Variants in RPS6KL1 observed in about 807,000 individuals in gnomAD.
RPS6KL1 encodes ribosomal protein S6 kinase-like 1.
In RPS6KL1, 41 loss-of-function variants were observed where a neutral mutation model predicts 57.0. The ratio of observed to expected loss-of-function variants is 0.72; its 90% CI spans 0.56 to 0.93. The LOEUF (loss-of-function observed/expected upper bound fraction) is 0.93. Ranked by LOEUF, RPS6KL1 falls within the 40% of genes least tolerant of loss-of-function variation. The pLI, the probability that RPS6KL1 is intolerant of heterozygous loss-of-function variation, is 0.00. For synonymous variants in RPS6KL1, 287 were observed against 309.7 expected (o/e 0.93, Z 0.77); for missense variants, 697 against 727.7 (o/e 0.96, Z 0.49).
rs758263816 is a variant in RPS6KL1, at chr14:74,911,377, G to C, written c.535C>G (p.Leu179Val). The stretch of plus-strand genomic sequence containing the variant: ...CTGCTCACCATGTGGCACCTGGGTA[G>C]GCTCTGGGAGCAGCAGGGCAGGCAG... ...ATGGTFVVKS[L>V]PRCHMVSRER... is the part of the protein sequence containing the mutation. Residue 179 changes from leucine (L) to valine (V), a missense_variant, in exon 7 of 12, where the codon CTA (leucine) becomes GTA (valine). Coordinates refer to ENST00000557413, the MANE Select transcript of RPS6KL1 (RefSeq NM_031464.5). The C allele has an allele frequency of 6.2e-7, 1 of 1,604,454 alleles. No homozygotes were observed. The highest frequency in any genetic ancestry group is 2.2e-5 in the East Asian group (1 of 44,772).
chr14:74,911,916 C>T, intron 5 of RPS6KL1, 75 bp from the exon 6 acceptor site: 1 of 1,345,550 alleles, frequency 7.4e-7, no homozygotes, highest in South Asian at 1.3e-5. Flanking sequence ...CTGACCCCCT[C>T]CCAGGTTCCT....
chr14:74,905,441 C>T lies in RPS6KL1; in HGVS notation c.*1573G>A, dbSNP rs1884622113. ...TGAGCCTCTTCCAAGGCTTCTTCATCCTCTTCCCCACAGAACCTGGTCCTC... is the reference window on the plus strand; with the variant it reads ...TGAGCCTCTTCCAAGGCTTCTTCATTCTCTTCCCCACAGAACCTGGTCCTC... On this transcript the variant is annotated 3_prime_UTR_variant, in exon 12 of 12. Coordinates refer to ENST00000557413, the MANE Select transcript of RPS6KL1 (RefSeq NM_031464.5). 1 of 152,200 alleles carries T rather than the reference C, an allele frequency of 6.6e-6. No individual in the cohort carries two copies. The highest frequency in any genetic ancestry group is 1.5e-5 in the Non-Finnish European group (1 of 68,088). 9.4% of individuals were successfully genotyped at this position (152,200 alleles called of 1,614,324 possible).
intron 10 of RPS6KL1, 102 bp downstream of exon 10, chr14:74,908,748 C>T: frequency 2.0e-6 from 2 of 1,023,584 alleles, no homozygotes; most frequent in Non-Finnish European, 3.1e-6. Flanking sequence ...GCTGGTAGGA[C>T]AGCCAGGCAG....
Position 74,922,167 on chromosome 14 carries a change from G to C in RPS6KL1, c.-210C>G. The C allele has an allele frequency of 4.1e-6, 4 of 985,984 alleles. No homozygotes were observed. The highest frequency in any genetic ancestry group is 4.8e-6 in the Non-Finnish European group (4 of 829,780). 61.1% of individuals were successfully genotyped at this position (985,984 alleles called of 1,614,324 possible). ...GTGTTGAGCTCTGGAGAGAGCTGAG[G>C]ATATCTGTGATCCACAGCCACCTTC... On this transcript the variant is annotated 5_prime_UTR_variant, in exon 2 of 12. In the 5' UTR this introduces an upstream ATG that the reference lacks. Coordinates refer to ENST00000557413, the MANE Select transcript of RPS6KL1 (RefSeq NM_031464.5).
rs1480620758 is a variant in RPS6KL1, at chr14:74,911,621, G to GTA, written c.531+172_531+173insTA. On this transcript the variant is annotated intron_variant, in intron 6 of 11. Transcript: ENST00000557413. The stretch of plus-strand genomic sequence containing the variant: ...TGTATGTGTATGTGTATGTGTATGT[G>GTA]TGTGTGTGCATGCATGTGTGTCCAT... The GTA allele has an allele frequency of 2.6e-4, 181 of 684,684 alleles. No homozygotes were observed. In the African/African-American group the frequency reaches 2.9e-3, roughly 11 times the overall value. The allele number at this position is 684,684 out of a possible 1,614,324, so 42.4% of individuals were successfully genotyped here. A position where few individuals can be genotyped will look rare whatever the true frequency, so the allele number is the denominator to read the frequency against.
rs1884811736 is a variant in RPS6KL1 at position 74,906,354 on chromosome 14, T to G, written c.*660A>C. The stretch of plus-strand genomic sequence containing the variant: ...TTACTCTTATTTTCTTCCCCTCCCT[T>G]TTGCTCTCCCAAGTCTGAAATCACA... On this transcript the variant is annotated 3_prime_UTR_variant, in exon 12 of 12. Transcript: ENST00000557413. 1 of 338,286 alleles carries G rather than the reference T, an allele frequency of 3.0e-6. No homozygotes were observed. The highest frequency in any genetic ancestry group is 5.8e-6 in the Non-Finnish European group (1 of 172,830). 21.0% of individuals were successfully genotyped at this position (338,286 alleles called of 1,614,324 possible).
rs781062412 is a variant in RPS6KL1, at chr14:74,906,662, C to G, written c.*352G>C. The G allele has an allele frequency of 1.9e-6, 1 of 534,088 alleles. No individual in the cohort carries two copies. Among genetic ancestry groups the G allele is most frequent in the Admixed American group, 2.1e-5 (1 of 48,094 alleles). The allele number at this position is 534,088 out of a possible 1,614,324, so 33.1% of individuals were successfully genotyped here. A position where few individuals can be genotyped will look rare whatever the true frequency, so the allele number is the denominator to read the frequency against. On this transcript the variant is annotated 3_prime_UTR_variant, in exon 12 of 12. Transcript: ENST00000557413. ...CATGGCAGTGAGTGAGTCACAGAAC[C>G]TCACAGTAGGGTGCAGCAGGTGGTC...
intron 6 of RPS6KL1, 166 bp downstream of exon 6, chr14:74,911,628 T>A (rs759057): frequency 1.4e-6 from 1 of 702,516 alleles, no homozygotes; most frequent in East Asian, 2.7e-5. Flanking sequence ...TGTGTGTGTG[T>A]GCATGCATGT....
rs954783987 is a variant in RPS6KL1, at chr14:74,905,704, CAG to C, written c.*1308_*1309del. 4.6e-5 allele frequency: 7 copies of C among 152,360 alleles called. No homozygotes were observed. Among genetic ancestry groups the C allele is most frequent in the East Asian group, 1.9e-4 (1 of 5,200 alleles). 9.4% of individuals were successfully genotyped at this position (152,360 alleles called of 1,614,324 possible). On this transcript the variant is annotated 3_prime_UTR_variant, in exon 12 of 12. Coordinates refer to ENST00000557413, the MANE Select transcript of RPS6KL1 (RefSeq NM_031464.5). ...CCAGGGAGAGGCAGGACGTGGACCA[CAG>C]AGAGTCATGTACAGGCTGCGCTTTC...
At chr14:74,907,157 C>A in intron 11 of RPS6KL1, 33 bp from the exon 12 acceptor site, 1 of 1,566,426 alleles carries the variant, frequency 6.4e-7, no homozygotes, top group Non-Finnish European at 8.7e-7. Flanking sequence ...CTGGGCCACT[C>A]CAGCTGTGGA....
chr14:74,906,991 C>T lies in RPS6KL1; in HGVS notation c.*23G>A. The T allele has an allele frequency of 6.4e-7, 1 of 1,556,204 alleles. No individual in the cohort carries two copies. Among genetic ancestry groups the T allele is most frequent in the Non-Finnish European group, 8.8e-7 (1 of 1,132,644 alleles). ...GAGGCGATCCAGACCAGGCCAGCTG[C>T]TTCCGTCACCCGCTCTGCCCTCTTA... On this transcript the variant is annotated 3_prime_UTR_variant, in exon 12 of 12. Coordinates refer to ENST00000557413, the MANE Select transcript of RPS6KL1 (RefSeq NM_031464.5).
At chr14:74,909,227 G>C in intron 8 of RPS6KL1, 37 bp from the exon 9 acceptor site, 10 of 1,583,298 alleles carry the variant, frequency 6.3e-6, no homozygotes, top group Non-Finnish European at 7.8e-6. Context: ...GGGACAGATT[G>C]AGGACAGCTG....
At chr14:74,922,982 C>T (rs1566843487) in intron 1 of RPS6KL1, among the ~76,000 whole-genome samples, 198 bp downstream of exon 1, 1 of 152,138 alleles carries the variant, frequency 6.6e-6, no homozygotes, top group Non-Finnish European at 1.5e-5. Context: ...GGGGGGTGCC[C>T]GGGTAGGACT....
chr14:74,911,551 C>A, intron 6 of RPS6KL1, 171 bp from the exon 7 acceptor site: 1 of 765,712 alleles, frequency 1.3e-6, no homozygotes, highest in Non-Finnish European at 2.1e-6. Context: ...GGGTCCTCCA[C>A]CCTCTAGCCA....
Position 74,906,489 on chromosome 14 carries a change from TC to T in RPS6KL1, c.*524del. The T allele has an allele frequency of 2.1e-6, 1 of 468,292 alleles. No individual in the cohort carries two copies. Among genetic ancestry groups the T allele is most frequent in the Non-Finnish European group, 4.5e-6 (1 of 223,486 alleles). The allele number at this position is 468,292 out of a possible 1,614,324, so 29.0% of individuals were successfully genotyped here. A position where few individuals can be genotyped will look rare whatever the true frequency, so the allele number is the denominator to read the frequency against. ...CAGATGGCATCCCTGCTTCTGGGCC[TC>T]CCCAGCTGCACGAACAGCTTCTGGT... On this transcript the variant is annotated 3_prime_UTR_variant, in exon 12 of 12. Transcript: ENST00000557413.
Position 74,909,841 on chromosome 14 carries a change from G to A in RPS6KL1, c.972C>T (p.Gly324=). 1 of 1,611,430 alleles carries A rather than the reference G, an allele frequency of 6.2e-7. No homozygotes were observed. Among genetic ancestry groups the A allele is most frequent in the Non-Finnish European group, 8.5e-7 (1 of 1,178,652 alleles). The stretch of plus-strand genomic sequence containing the variant: ...CCCTCCTAGCTTGAAGGTGCAGGTG[G>A]CCACCTGGGGCCTTTGGAAGGTCCG... ...GSSDLPKAPG[G]HLHLQARRAG... Residue 324 remains glycine, a synonymous_variant, in exon 8 of 12, where the codon GGC becomes GGT. Coordinates refer to ENST00000557413, the MANE Select transcript of RPS6KL1 (RefSeq NM_031464.5).
In RPS6KL1 at chr14:74,922,433, A is replaced by G; in HGVS notation, c.-476T>C. 1 of 750,668 alleles carries G rather than the reference A, an allele frequency of 1.3e-6. No individual in the cohort carries two copies. Among genetic ancestry groups the G allele is most frequent in the Non-Finnish European group, 1.6e-6 (1 of 614,686 alleles). 46.5% of individuals were successfully genotyped at this position (750,668 alleles called of 1,614,324 possible). ...CTGAGGTCAGTGTGGTCAGCGAGTGAGGACCCCTCCTGGAGCCAGCAGAGA... is the reference window on the plus strand; with the variant it reads ...CTGAGGTCAGTGTGGTCAGCGAGTGGGGACCCCTCCTGGAGCCAGCAGAGA... On this transcript the variant is annotated 5_prime_UTR_variant, in exon 2 of 12. Coordinates refer to ENST00000557413, the MANE Select transcript of RPS6KL1 (RefSeq NM_031464.5).
intron 5 of RPS6KL1, among the ~76,000 whole-genome samples, chr14:74,912,209 TGTA>T (rs970469720): frequency 1.2e-4 from 19 of 152,140 alleles, no homozygotes; most frequent in Middle Eastern, 3.4e-3. Flanking sequence ...AGTGCAGGGA[TGTA>T]GTAGGTGCTA....
rs919210912 is a variant in RPS6KL1 at position 74,905,084 on chromosome 14, C to T, written c.*1930G>A. The T allele has an allele frequency of 2.0e-5, 3 of 152,054 alleles. No individual in the cohort carries two copies. Among genetic ancestry groups the T allele is most frequent in the African/African-American group, 7.3e-5 (3 of 41,308 alleles). 9.4% of individuals were successfully genotyped at this position (152,054 alleles called of 1,614,324 possible). A position where few individuals can be genotyped will look rare whatever the true frequency, so the allele number is the denominator to read the frequency against. ...AGCTTTAATTTATCTATCTGGTAAA[C>T]CTGCAAAATAGGCATTATTTACCCC... On this transcript the variant is annotated 3_prime_UTR_variant, in exon 12 of 12. Transcript: ENST00000557413.
Sources: allele counts gnomAD v4.1 joint callset (sites outside exome capture counted in the v4.1 genomes callset), GRCh38; gene constraint gnomAD v4.1.1; transcripts MANE v1.5; gene names NCBI Gene and HGNC (gene_info 2026-07-23, HGNC 2026-07-21).